Variants in SGSM1 observed in about 807,000 individuals in gnomAD.
The protein encoded by SGSM1 is small G protein signaling modulator 1, also known as RUN and TBC1 domain containing 2.
SGSM1 carries 73 observed loss-of-function variants against 133.8 expected under a neutral mutation model. The observed-to-expected ratio is 0.55, with a 90% confidence interval of 0.45 to 0.66. The LOEUF is 0.66. SGSM1 is among the 30% of genes least tolerant of loss of function. SGSM1 has a pLI of 0.00. For missense variants in SGSM1, 1,213 were observed against 1,448.1 expected (o/e 0.84, Z 2.64); for synonymous variants, 563 against 573.0 (o/e 0.98, Z 0.25).
intron 22 of SGSM1, among the ~76,000 whole-genome samples, chr22:24,917,360 A>G (rs1455938604): frequency 1.3e-5 from 2 of 151,972 alleles, no homozygotes; most frequent in Non-Finnish European, 2.9e-5. Context: ...AACACTTTTT[A>G]TTGTCTGTCA....
chr22:24,820,102 C>A (rs888259024), intron 2 of SGSM1, among the ~76,000 whole-genome samples: 2 of 152,090 alleles, frequency 1.3e-5, no homozygotes, highest in Non-Finnish European at 2.9e-5. Context: ...GAATGGAAAA[C>A]GTGCAGGCTG....
chr22:24,877,754 A>G (rs989741850), intron 13 of SGSM1, among the ~76,000 whole-genome samples: 3 of 142,336 alleles, frequency 2.1e-5, no homozygotes, highest in Non-Finnish European at 1.5e-5. Flanking sequence ...GACCATGTGT[A>G]TACTTTAAAG....
rs770876563 is a variant in SGSM1 at position 24,919,921 on chromosome 22, C to T, written c.3121C>T (p.Leu1041=). 6.2e-7 allele frequency: 1 copy of T among 1,614,006 alleles called. No individual in the cohort carries two copies. Reference sequence around the variant, plus strand: ...CTACGTCCTGTTCATTGCGCTGGCTCTGGTGGAAGTCTACCGTGACATCAT... The same window carrying T: ...CTACGTCCTGTTCATTGCGCTGGCTTTGGTGGAAGTCTACCGTGACATCAT... ...AHYVLFIALA[L]VEVYRDIILE... Residue 1041 remains leucine, a synonymous_variant, in exon 24 of 25, where the codon CTG becomes TTG. Coordinates refer to ENST00000400358, the MANE Select transcript of SGSM1 (RefSeq NM_001098497.3).
intron 19 of SGSM1, among the ~76,000 whole-genome samples, chr22:24,901,531 C>T (rs560470807): frequency 2.0e-5 from 3 of 152,222 alleles, no homozygotes; most frequent in South Asian, 4.1e-4. Context: ...CAGGCCAGTA[C>T]GTTACCAGAA....
At chr22:24,881,711 C>G (rs1601950665) in intron 14 of SGSM1, among the ~76,000 whole-genome samples, 1 of 152,250 alleles carries the variant, frequency 6.6e-6, no homozygotes, top group African/African-American at 2.4e-5. Context: ...TCATCCTCCT[C>G]CTCCTCATCA....
rs772946127 is a variant in SGSM1, at chr22:24,876,603, G to A, written c.1318G>A (p.Val440Ile). The A allele has an allele frequency of 1.9e-6, 3 of 1,613,996 alleles. No individual in the cohort carries two copies. The South Asian group carries it at 3.3e-5, about 18-fold the overall frequency. ...FVPQDLMDVS[V>I]SNLPSLWQPS... is the part of the protein sequence containing the mutation. ...GCCCCAGGATCTGATGGACGTCTCT[G>A]TAAGCAACCTCCCATCCCTGTGGCA... The change falls in exon 13 of 25, where the codon GTA (valine) becomes ATA (isoleucine). Residue 440 changes from valine to isoleucine, a missense_variant. By Grantham distance (29) the Val-to-Ile change is conservative (BLOSUM62 3). Transcript: ENST00000400358.
chr22:24,812,448 G>A (rs1209073192), intron 2 of SGSM1, among the ~76,000 whole-genome samples: 1 of 152,176 alleles, frequency 6.6e-6, no homozygotes, highest in Non-Finnish European at 1.5e-5. Context: ...CAAGATCTAG[G>A]GGGATGGCCT....
intron 21 of SGSM1, among the ~76,000 whole-genome samples, chr22:24,910,075 G>A (rs938522914): frequency 8.5e-5 from 13 of 152,142 alleles, no homozygotes; most frequent in African/African-American, 2.9e-4. Context: ...ATAATGCTAA[G>A]TGAAAGAAGC....
chr22:24,812,201 T>C (rs757108745), intron 2 of SGSM1, among the ~76,000 whole-genome samples: 1 of 151,400 alleles, frequency 6.6e-6, no homozygotes, highest in East Asian at 1.9e-4. Context: ...AAAGAAAAAT[T>C]AGGCATTCCT....
chr22:24,922,048 G>A (rs1379986193), intron 24 of SGSM1, among the ~76,000 whole-genome samples: 3 of 151,838 alleles, frequency 2.0e-5, no homozygotes, highest in African/African-American at 7.3e-5. Context: ...CATCATTCCC[G>A]AATAAGCACA....
chr22:24,925,509 C>T lies in SGSM1; in HGVS notation c.*1235C>T, dbSNP rs1934170300. 1.3e-5 allele frequency: 2 copies of T among 152,138 alleles called. No individual in the cohort carries two copies. The highest frequency in any genetic ancestry group is 2.9e-5 in the Non-Finnish European group (2 of 68,030). The allele number at this position is 152,138 out of a possible 1,614,324, so 9.4% of individuals were successfully genotyped here. A position where few individuals can be genotyped will look rare whatever the true frequency, so the allele number is the denominator to read the frequency against. On this transcript the variant is annotated 3_prime_UTR_variant, in exon 25 of 25. Coordinates refer to ENST00000400358, the MANE Select transcript of SGSM1 (RefSeq NM_001098497.3). ...CAAGAAAAGTATCTCCCCACATAGG[C>T]GGTGGACCCAAAAAGTGTAGGCATG...
intron 5 of SGSM1, among the ~76,000 whole-genome samples, chr22:24,853,080 G>A (rs1433559076): frequency 2.0e-5 from 3 of 152,164 alleles, no homozygotes; most frequent in Non-Finnish European, 4.4e-5. Context: ...CAACAATCCA[G>A]GCATTTGAGT....
chr22:24,829,581 G>T (rs1383078436), intron 2 of SGSM1, among the ~76,000 whole-genome samples: 1 of 151,972 alleles, frequency 6.6e-6, no homozygotes, highest in Non-Finnish European at 1.5e-5. Flanking sequence ...TTAATCATTC[G>T]GTTCAAAACA....
chr22:24,818,677 A>G (rs749221815), intron 2 of SGSM1, among the ~76,000 whole-genome samples: 5 of 151,750 alleles, frequency 3.3e-5, no homozygotes, highest in Non-Finnish European at 5.9e-5. Context: ...GTGGATTAGG[A>G]CGTTAAAATA....
At chr22:24,847,161 C>T (rs962038510) in intron 3 of SGSM1, among the ~76,000 whole-genome samples, 5 of 151,998 alleles carry the variant, frequency 3.3e-5, no homozygotes, top group Non-Finnish European at 7.4e-5. Flanking sequence ...CTGCGCCTGG[C>T]CCGAGATTAG....
rs57653774 is a variant in SGSM1 at position 24,826,820 on chromosome 22, C to A, written c.64-18077C>A. On this transcript the variant is annotated intron_variant, in intron 2 of 24. Transcript: ENST00000400358. The stretch of plus-strand genomic sequence containing the variant: ...TCTTTTCCAGCCCTCATGGTGTGCC[C>A]GGCCCTGTTCAAGTGCTGTGTATGT... Among the ~76,000 whole-genome samples, 868 of 152,146 alleles carry A rather than the reference C, an allele frequency of 5.7e-3. 8 individuals carry two copies. The highest frequency in any genetic ancestry group is 0.02 in the African/African-American group (826 of 41,486).
chr22:24,866,225 A>T (rs1163083226), intron 9 of SGSM1, among the ~76,000 whole-genome samples: 1 of 152,188 alleles, frequency 6.6e-6, no homozygotes, highest in East Asian at 1.9e-4. Flanking sequence ...TTCTTAATGT[A>T]TCAGCTCTGT....
Position 24,806,255 on chromosome 22 carries a change from C to A in SGSM1, c.-71C>A. 2.2e-6 allele frequency: 3 copies of A among 1,349,674 alleles called. No individual in the cohort carries two copies. Among genetic ancestry groups the A allele is most frequent in the South Asian group, 1.9e-5 (1 of 53,194 alleles). 83.6% of individuals were successfully genotyped at this position (1,349,674 alleles called of 1,614,324 possible). A position where few individuals can be genotyped will look rare whatever the true frequency, so the allele number is the denominator to read the frequency against. ...CCCGCCGCGGCTGCAGCAGCAGCGC[C>A]GCGGCCGGAGGAGCTACCGCCGCCA... On this transcript the variant is annotated 5_prime_UTR_variant, in exon 1 of 25. Coordinates refer to ENST00000400358, the MANE Select transcript of SGSM1 (RefSeq NM_001098497.3).
At chr22:24,827,637 C>T (rs1928874134) in intron 2 of SGSM1, among the ~76,000 whole-genome samples, 1 of 152,070 alleles carries the variant, frequency 6.6e-6, no homozygotes, top group Admixed American at 6.5e-5. Flanking sequence ...ATCTCAAGCA[C>T]CTCTGTCATT....
Sources: allele counts gnomAD v4.1 joint callset (sites outside exome capture counted in the v4.1 genomes callset), GRCh38; gene constraint gnomAD v4.1.1; transcripts MANE v1.5; gene names NCBI Gene and HGNC (gene_info 2026-07-23, HGNC 2026-07-21).